Variants in HS6ST3 observed in about 807,000 individuals in gnomAD.
The protein encoded by HS6ST3 is heparan-sulfate 6-O-sulfotransferase 3.
In HS6ST3, 12 loss-of-function variants were observed where a neutral mutation model predicts 36.7. That is an observed-to-expected ratio of 0.33 (90% CI 0.21 to 0.53). The LOEUF is 0.53. Ranked by LOEUF, HS6ST3 falls within the 20% of genes least tolerant of loss-of-function variation. The pLI, the probability that HS6ST3 is intolerant of heterozygous loss-of-function variation, is 0.95. For missense variants in HS6ST3, 584 were observed against 640.9 expected (o/e 0.91, Z 0.96); for synonymous variants, 240 against 257.5 (o/e 0.93, Z 0.65).
intron 1 of HS6ST3, among the ~76,000 whole-genome samples, chr13:96,790,175 C>T (rs932842260): frequency 2.6e-5 from 4 of 151,518 alleles, no homozygotes; most frequent in African/African-American, 4.8e-5. Flanking sequence ...TTGCCATCTG[C>T]GCTCTGCTAT....
chr13:96,259,080 G>A (rs1452318350), intron 1 of HS6ST3, among the ~76,000 whole-genome samples: 3 of 152,128 alleles, frequency 2.0e-5, no homozygotes, highest in Non-Finnish European at 4.4e-5. Context: ...GGGAAGGAGA[G>A]AGCACATTAA....
At chr13:96,595,706 T>C (rs1307863696) in intron 1 of HS6ST3, among the ~76,000 whole-genome samples, 4 of 152,122 alleles carry the variant, frequency 2.6e-5, no homozygotes, top group South Asian at 4.1e-4. Flanking sequence ...ATGAATCCTT[T>C]CTTCATTCCT....
At chr13:96,179,637 T>A (rs1490798988) in intron 1 of HS6ST3, among the ~76,000 whole-genome samples, 1 of 152,192 alleles carries the variant, frequency 6.6e-6, no homozygotes, top group Non-Finnish European at 1.5e-5. Context: ...GGGAGACTAT[T>A]ACTAAGTCAG....
At chr13:96,435,956 G>A (rs61967671) in intron 1 of HS6ST3, among the ~76,000 whole-genome samples, 8,892 of 152,194 alleles carry the variant, frequency 0.058, 664 homozygotes, top group African/African-American at 0.17. Flanking sequence ...GCCATGTCAC[G>A]TAGTCGTCTC....
intron 1 of HS6ST3, among the ~76,000 whole-genome samples, chr13:96,345,382 T>C (rs1383885707): frequency 6.6e-6 from 1 of 152,208 alleles, no homozygotes; most frequent in East Asian, 1.9e-4. Context: ...GTGACTGGAT[T>C]AATTTTTAGG....
intron 1 of HS6ST3, among the ~76,000 whole-genome samples, chr13:96,167,261 C>T (rs7992570): frequency 0.95 from 144,366 of 152,276 alleles, 68,531 homozygotes; most frequent in African/African-American, 0.97. Context: ...TCATAATGTT[C>T]GTAGATACAC....
At chr13:96,521,888 G>C (rs1337128434) in intron 1 of HS6ST3, among the ~76,000 whole-genome samples, 3 of 152,022 alleles carry the variant, frequency 2.0e-5, no homozygotes, top group Non-Finnish European at 2.9e-5. Flanking sequence ...CTTGTCTTCT[G>C]CTAGCTTTTG....
chr13:96,720,349 A>G (rs558204791), intron 1 of HS6ST3, among the ~76,000 whole-genome samples: 3 of 152,312 alleles, frequency 2.0e-5, no homozygotes, highest in Admixed American at 1.3e-4. Context: ...GGGAGAGACT[A>G]AACCTACAGG....
chr13:96,669,162 A>G (rs1291487053), intron 1 of HS6ST3, among the ~76,000 whole-genome samples: 1 of 152,200 alleles, frequency 6.6e-6, no homozygotes, highest in Non-Finnish European at 1.5e-5. Flanking sequence ...CTGGAGGCAC[A>G]CATATTTGTG....
intron 1 of HS6ST3, among the ~76,000 whole-genome samples, chr13:96,133,194 T>C (rs1282298758): frequency 6.6e-6 from 1 of 152,132 alleles, no homozygotes; most frequent in Admixed American, 6.6e-5. Flanking sequence ...AGTGGCCCAA[T>C]CTCAGCTCAC....
chr13:96,537,389 C>G (rs2056160158), intron 1 of HS6ST3, among the ~76,000 whole-genome samples: 2 of 152,154 alleles, frequency 1.3e-5, no homozygotes, highest in South Asian at 4.1e-4. Flanking sequence ...GGGGACACAG[C>G]TAAACCATAT....
intron 1 of HS6ST3, among the ~76,000 whole-genome samples, chr13:96,689,606 C>CTTTTT (rs34000071): frequency 0.43 from 43,308 of 100,998 alleles, 9,948 homozygotes; most frequent in South Asian, 0.51. Context: ...TTCTTTCTTT[C>CTTTTT]TTTTTTTTTT....
At chr13:96,585,823 A>G (rs1271584377) in intron 1 of HS6ST3, among the ~76,000 whole-genome samples, 1 of 152,226 alleles carries the variant, frequency 6.6e-6, no homozygotes, top group Non-Finnish European at 1.5e-5. Flanking sequence ...CTGTGTATAT[A>G]TACCACATTT....
intron 1 of HS6ST3, among the ~76,000 whole-genome samples, chr13:96,488,474 G>T (rs935975651): frequency 6.6e-6 from 1 of 152,074 alleles, no homozygotes; most frequent in African/African-American, 2.4e-5. Context: ...ATGTGTTCCT[G>T]AAAGTTAGAC....
intron 1 of HS6ST3, among the ~76,000 whole-genome samples, chr13:96,447,183 T>A (rs920621174): frequency 1.3e-5 from 2 of 152,088 alleles, no homozygotes; most frequent in Admixed American, 1.3e-4. Context: ...AGCTGAACGA[T>A]TTCTGGAGGC....
At chr13:96,808,099 A>G (rs1195594928) in intron 1 of HS6ST3, among the ~76,000 whole-genome samples, 1 of 152,210 alleles carries the variant, frequency 6.6e-6, no homozygotes, top group Non-Finnish European at 1.5e-5. Flanking sequence ...ATAGAAAGTA[A>G]GAGTCCTAAG....
At chr13:96,673,617 C>A (rs1371162537) in intron 1 of HS6ST3, among the ~76,000 whole-genome samples, 1 of 152,102 alleles carries the variant, frequency 6.6e-6, no homozygotes, top group Admixed American at 6.6e-5. Context: ...TTCCTCTAGT[C>A]AGTTGTCGTT....
rs2138555499 is a variant in HS6ST3 at position 96,837,937 on chromosome 13, A to AAT, written c.*4739_*4740insAT. 6.6e-6 allele frequency: 1 copy of AAT among 152,270 alleles called. No individual in the cohort carries two copies. Among genetic ancestry groups the AAT allele is most frequent in the African/African-American group, 2.4e-5 (1 of 41,542 alleles). The allele number at this position is 152,270 out of a possible 1,614,324, so 9.4% of individuals were successfully genotyped here. A position where few individuals can be genotyped will look rare whatever the true frequency, so the allele number is the denominator to read the frequency against. On this transcript the variant is annotated 3_prime_UTR_variant, in exon 2 of 2. Transcript: ENST00000376705. ...AGCAACATACTGCTTTCATTCTTAA[A>AAT]GGTTTCATTGGCTGTTAAATGAGTC...
chr13:96,455,076 T>A (rs2055748247), intron 1 of HS6ST3, among the ~76,000 whole-genome samples: 1 of 152,198 alleles, frequency 6.6e-6, no homozygotes, highest in Admixed American at 6.5e-5. Flanking sequence ...TTTACCAGTG[T>A]GTCTTAACCA....
Sources: allele counts gnomAD v4.1 joint callset (sites outside exome capture counted in the v4.1 genomes callset), GRCh38; gene constraint gnomAD v4.1.1; transcripts MANE v1.5; gene names NCBI Gene and HGNC (gene_info 2026-07-23, HGNC 2026-07-21).